Variants in CNTLN observed in about 807,000 individuals in gnomAD.
The protein encoded by CNTLN is centlein, centrosomal protein.
Under a neutral mutation model 180.0 loss-of-function variants are expected in CNTLN, and 212 were observed. That is an observed-to-expected ratio of 1.18 (90% CI 1.05 to 1.32). The LOEUF is 1.32. Ranked by LOEUF, CNTLN falls within the 40% of genes most tolerant of loss-of-function variation. The probability of loss-of-function intolerance (pLI) is 0.00; values close to 1 mark genes in which losing one functional copy is unlikely to be tolerated. For missense variants in CNTLN, 2,095 were observed against 1,610.9 expected (o/e 1.30, Z -5.14); for synonymous variants, 722 against 563.1 (o/e 1.28, Z -3.99).
chr9:17,266,199 A>G (rs1020287677), intron 5 of CNTLN, among the ~76,000 whole-genome samples: 4 of 151,964 alleles, frequency 2.6e-5, no homozygotes, highest in Admixed American at 6.6e-5. Context: ...CCTTCTACAC[A>G]CTGCTTTGAA....
chr9:17,354,323 G>A (rs1028689544), intron 12 of CNTLN, among the ~76,000 whole-genome samples: 2 of 152,204 alleles, frequency 1.3e-5, no homozygotes, highest in Non-Finnish European at 2.9e-5. Flanking sequence ...GAGTGCAGGC[G>A]CACGGCACCG....
intron 2 of CNTLN, chr9:17,168,347 A>G (rs1236413457): frequency 6.6e-6 from 1 of 152,186 alleles, no homozygotes; most frequent in East Asian, 1.9e-4. Flanking sequence ...TCTTGATGTT[A>G]GTTAGCAAAG....
chr9:17,248,579 CTAAA>C (rs1342096214), intron 5 of CNTLN, among the ~76,000 whole-genome samples: 1 of 146,728 alleles, frequency 6.8e-6, no homozygotes, highest in African/African-American at 2.5e-5. Flanking sequence ...AGAATATATA[CTAAA>C]TAAATGGAAT....
chr9:17,376,467 T>C (rs1440712461), intron 13 of CNTLN, among the ~76,000 whole-genome samples: 2 of 151,872 alleles, frequency 1.3e-5, no homozygotes, highest in East Asian at 1.9e-4. Flanking sequence ...ATTTTTTTTT[T>C]TTGAGACGGA....
At chr9:17,281,940 C>T (rs1025522910) in intron 6 of CNTLN, among the ~76,000 whole-genome samples, 6 of 151,068 alleles carry the variant, frequency 4.0e-5, no homozygotes, top group African/African-American at 7.3e-5. Context: ...TCCACAGCCT[C>T]GCCAGAATCT....
intron 14 of CNTLN, 86 bp from the exon 15 acceptor site, chr9:17,394,448 A>G: frequency 9.7e-7 from 1 of 1,031,708 alleles, no homozygotes; most frequent in Non-Finnish European, 1.4e-6. Context: ...GCTAAATGTG[A>G]TTTTTATTTC....
intron 25 of CNTLN, among the ~76,000 whole-genome samples, chr9:17,495,778 C>G (rs931299480): frequency 1.3e-5 from 2 of 152,176 alleles, no homozygotes; most frequent in African/African-American, 4.8e-5. Flanking sequence ...GTCCCACAGG[C>G]TCCATTCATG....
chr9:17,281,131 G>T (rs1157439034), intron 6 of CNTLN, among the ~76,000 whole-genome samples: 1 of 151,922 alleles, frequency 6.6e-6, no homozygotes, highest in Non-Finnish European at 1.5e-5. Context: ...CTTATTTTTT[G>T]TACTTTTTCT....
intron 6 of CNTLN, among the ~76,000 whole-genome samples, chr9:17,294,815 CGAA>C (rs1817709508): frequency 7.0e-5 from 1 of 14,298 alleles, no homozygotes; most frequent in African/African-American, 3.8e-4. Context: ...GGGGAGTGGG[CGAA>C]GGGGGGAGGG....
intron 16 of CNTLN, among the ~76,000 whole-genome samples, chr9:17,415,090 GAAAA>G (rs1030166890): frequency 7.5e-6 from 1 of 132,812 alleles, no homozygotes; most frequent in African/African-American, 2.8e-5. Flanking sequence ...TGTCTCAAAA[GAAAA>G]AAAAAAAAAT....
chr9:17,162,523 G>T (rs1056201801), intron 2 of CNTLN, among the ~76,000 whole-genome samples: 1 of 152,222 alleles, frequency 6.6e-6, no homozygotes, highest in East Asian at 1.9e-4. Context: ...CTTCACTAGA[G>T]ATACACTAAG....
At chr9:17,481,536 C>A (rs1832647081) in intron 23 of CNTLN, among the ~76,000 whole-genome samples, 1 of 152,168 alleles carries the variant, frequency 6.6e-6, no homozygotes, top group East Asian at 1.9e-4. Context: ...CCAATGACCC[C>A]ACCCAACTGC....
the CNTLN span, among the ~76,000 whole-genome samples, chr9:17,509,648 A>G: frequency 6.6e-6 from 1 of 152,154 alleles, no homozygotes; most frequent in Admixed American, 6.5e-5. Context: ...AGAAGGCTGT[A>G]TACACTTGAA....
At chr9:17,307,804 T>C (rs1357443981) in intron 7 of CNTLN, among the ~76,000 whole-genome samples, 1 of 152,114 alleles carries the variant, frequency 6.6e-6, no homozygotes, top group African/African-American at 2.4e-5. Flanking sequence ...TTACAATCTT[T>C]TATGTATGTA....
intron 2 of CNTLN, among the ~76,000 whole-genome samples, chr9:17,171,743 G>A (rs2779768): frequency 0.33 from 50,103 of 151,794 alleles, 10,480 homozygotes; most frequent in East Asian, 0.59. Flanking sequence ...CACCCCCACC[G>A]GTTTGGTAAT....
intron 18 of CNTLN, among the ~76,000 whole-genome samples, chr9:17,436,205 G>A (rs1339722221): frequency 6.6e-6 from 1 of 151,862 alleles, no homozygotes; most frequent in Non-Finnish European, 1.5e-5. Flanking sequence ...ATATACTATT[G>A]TTTAGTTTAT....
At chr9:17,337,924 A>G (rs1166515188) in intron 10 of CNTLN, among the ~76,000 whole-genome samples, 1 of 152,164 alleles carries the variant, frequency 6.6e-6, no homozygotes, top group Non-Finnish European at 1.5e-5. Context: ...TTCCCCAAAC[A>G]GTTTATATAT....
At chr9:17,416,596 C>A (rs1290135586) in intron 18 of CNTLN, among the ~76,000 whole-genome samples, 1 of 152,152 alleles carries the variant, frequency 6.6e-6, no homozygotes, top group African/African-American at 2.4e-5. Context: ...ATATATTCAT[C>A]AGTTACTCTT....
intron 18 of CNTLN, among the ~76,000 whole-genome samples, chr9:17,440,655 A>G (rs989351802): frequency 2.0e-5 from 3 of 152,118 alleles, no homozygotes; most frequent in Admixed American, 6.5e-5. Context: ...TGATAGAAGC[A>G]TTATTCATAG....
Sources: gnomAD v4.1 joint callset for allele counts (sites outside exome capture counted in the v4.1 genomes callset) on GRCh38, gnomAD v4.1.1 for gene constraint, MANE v1.5 for transcripts, NCBI Gene and HGNC (gene_info 2026-07-23, HGNC 2026-07-21) for gene names.